The following GLIS3 variants were observed in gnomAD, a reference collection of about 807,000 sequenced individuals.
The protein encoded by GLIS3 is GLIS family zinc finger 3.
A neutral mutation model predicts 78.6 loss-of-function variants in GLIS3; 53 were observed. The observed-to-expected ratio is 0.67, with a 90% confidence interval of 0.54 to 0.85. The LOEUF is 0.85. Among genes scored for constraint, GLIS3 ranks in the 40% least tolerant of loss-of-function variants. GLIS3 has a pLI of 0.00. For synonymous variants in GLIS3, 684 were observed against 509.9 expected (o/e 1.34, Z -4.60); for missense variants, 1,703 against 1,231.1 (o/e 1.38, Z -5.74).
chr9:4,086,997 G>A (rs545565211), intron 4 of GLIS3, among the ~76,000 whole-genome samples: 5 of 152,258 alleles, frequency 3.3e-5, no homozygotes, highest in African/African-American at 1.2e-4. Flanking sequence ...CAAAATCCTA[G>A]TTTAGTGCTA....
intron 8 of GLIS3, among the ~76,000 whole-genome samples, chr9:3,865,167 G>GACTATT (rs1366487582): frequency 8.5e-5 from 13 of 152,280 alleles, no homozygotes; most frequent in African/African-American, 2.4e-4. Flanking sequence ...AGCAACCAAA[G>GACTATT]ACTATTTCTC....
At chr9:4,361,291 C>G in the GLIS3 span, among the ~76,000 whole-genome samples, 3 of 152,278 alleles carry the variant, frequency 2.0e-5, no homozygotes, top group South Asian at 6.2e-4. Context: ...AGAAGGGACT[C>G]CTCTGATGGG....
chr9:3,994,006 T>A (rs1466401987), intron 4 of GLIS3, among the ~76,000 whole-genome samples: 7 of 152,210 alleles, frequency 4.6e-5, no homozygotes, highest in Admixed American at 4.6e-4. Context: ...TCCAGAGAGC[T>A]TGTTAAAACA....
the GLIS3 span, among the ~76,000 whole-genome samples, chr9:4,431,773 G>T: frequency 6.6e-6 from 1 of 151,776 alleles, no homozygotes; most frequent in Non-Finnish European, 1.5e-5. Flanking sequence ...GAACCTGGGA[G>T]GTGGAGGTTG....
At chr9:4,111,471 G>A (rs185269710) in intron 4 of GLIS3, among the ~76,000 whole-genome samples, 27 of 152,334 alleles carry the variant, frequency 1.8e-4, no homozygotes, top group African/African-American at 6.0e-4. Flanking sequence ...TGAATTAAAT[G>A]CCTTCTAAAG....
chr9:3,940,985 C>T (rs1199664860), intron 4 of GLIS3, among the ~76,000 whole-genome samples: 1 of 152,178 alleles, frequency 6.6e-6, no homozygotes, highest in African/African-American at 2.4e-5. Context: ...CTGGCATCGC[C>T]TGGGAACTTG....
intron 9 of GLIS3, among the ~76,000 whole-genome samples, chr9:3,839,697 C>G (rs998270291): frequency 6.6e-6 from 1 of 152,112 alleles, no homozygotes; most frequent in Non-Finnish European, 1.5e-5. Flanking sequence ...TAGTTCATGT[C>G]AGATTACTGG....
chr9:4,379,462 A>G, the GLIS3 span, among the ~76,000 whole-genome samples: 24 of 152,380 alleles, frequency 1.6e-4, no homozygotes, highest in African/African-American at 5.3e-4. Flanking sequence ...CTTTTGGAAG[A>G]TTGACAACAT....
the GLIS3 span, among the ~76,000 whole-genome samples, chr9:4,431,749 C>A: frequency 6.7e-6 from 1 of 149,274 alleles, no homozygotes; most frequent in Admixed American, 6.8e-5. Flanking sequence ...GAAGCTGAGG[C>A]AGGAGAATCC....
chr9:3,828,350 A>G lies in GLIS3; in HGVS notation c.2715T>C (p.Ala905=). 6.2e-7 allele frequency: 1 copy of G among 1,613,998 alleles called. No individual in the cohort carries two copies. Among genetic ancestry groups the G allele is most frequent in the South Asian group, 1.1e-5 (1 of 91,074 alleles). ...TGATCTGCAAGAAGGTAGCATCTTC[A>G]GCCCCGCTGCGGAGAGACTCCCCAA... is the stretch of plus-strand genomic sequence containing the variant. ...SLFGESLRSG[A]EDATFLQIST... The change falls in exon 11 of 11, where the codon GCT becomes GCC. Residue 905 remains alanine, a synonymous_variant. Coordinates refer to ENST00000381971, the MANE Select transcript of GLIS3 (RefSeq NM_001042413.2).
intron 1 of GLIS3, among the ~76,000 whole-genome samples, chr9:4,290,478 G>A (rs755875002): frequency 7.9e-5 from 12 of 152,062 alleles, no homozygotes; most frequent in Non-Finnish European, 1.3e-4. Context: ...ATAGGTCCCT[G>A]CTATTCCCAT....
At chr9:3,886,154 C>T (rs568187094) in intron 7 of GLIS3, among the ~76,000 whole-genome samples, 2 of 152,098 alleles carry the variant, frequency 1.3e-5, no homozygotes, top group East Asian at 3.8e-4. Context: ...TGGTAAATCT[C>T]GAATAAAGTA....
At position 4,118,687 on chromosome 9, in the gene GLIS3, C is replaced by T. The variant is rs1178306065; in HGVS notation, c.791G>A (p.Ser264Asn). The T allele has an allele frequency of 6.2e-7, 1 of 1,614,050 alleles. No individual in the cohort carries two copies. The highest frequency in any genetic ancestry group is 8.5e-7 in the Non-Finnish European group (1 of 1,180,000). ...LPPGTSMSSN[S>N]VSNSLPSYLF... Reference sequence around the variant, plus strand: ...GTAGGATGGTAATGAGTTAGAGACACTATTGCTGGACATGGATGTCCCGGG... The same window carrying T: ...GTAGGATGGTAATGAGTTAGAGACATTATTGCTGGACATGGATGTCCCGGG... The change falls in exon 4 of 11, where the codon AGT becomes AAT. Residue 264 changes from serine to asparagine, a missense_variant. Coordinates refer to ENST00000381971, the MANE Select transcript of GLIS3 (RefSeq NM_001042413.2). This position sits in a 1 kb window ranked among gnomAD's most constrained non-coding sequence, Gnocchi z 4.7.
intron 4 of GLIS3, among the ~76,000 whole-genome samples, chr9:3,985,264 TCCTGAGTAGCTGGGAC>T (rs1305033125): frequency 6.6e-6 from 1 of 152,124 alleles, no homozygotes; most frequent in African/African-American, 2.4e-5. Flanking sequence ...CACCTCAGCC[TCCTGAGTAGCTGGGAC>T]CACAGGTGTG....
intron 2 of GLIS3, among the ~76,000 whole-genome samples, chr9:4,328,452 T>C (rs1267527966): frequency 6.6e-6 from 1 of 152,220 alleles, no homozygotes; most frequent in African/African-American, 2.4e-5. Context: ...CACCCCATTC[T>C]GCTCCCACCT....
chr9:4,171,565 T>C (rs1816378062), intron 2 of GLIS3, among the ~76,000 whole-genome samples: 1 of 152,236 alleles, frequency 6.6e-6, no homozygotes, highest in South Asian at 2.1e-4. Flanking sequence ...CTGGTTGATT[T>C]CGTTAAAGGA....
At chr9:4,399,692 G>A in the GLIS3 span, among the ~76,000 whole-genome samples, 1 of 152,094 alleles carries the variant, frequency 6.6e-6, no homozygotes, top group Non-Finnish European at 1.5e-5. Context: ...TCCTCAAGCA[G>A]CCCACATCTG....
At chr9:4,428,830 T>C in the GLIS3 span, among the ~76,000 whole-genome samples, 1 of 152,192 alleles carries the variant, frequency 6.6e-6, no homozygotes, top group Non-Finnish European at 1.5e-5. Context: ...CATTCCTGCC[T>C]ACCAAGCCTG....
chr9:3,894,490 A>T lies in GLIS3; in HGVS notation c.2128+4201T>A, dbSNP rs188731841. ...AAACATATTAAAACATGTACCATAA[A>T]ATTACATTAAAATGAAATAGTAACT... On this transcript the variant is annotated intron_variant, in intron 7 of 10. Coordinates refer to ENST00000381971, the MANE Select transcript of GLIS3 (RefSeq NM_001042413.2). Among the ~76,000 whole-genome samples the T allele has an allele frequency of 4.6e-3, 698 of 152,308 alleles. 6 individuals carry two copies. Among genetic ancestry groups the T allele is most frequent in the Admixed American group, 8.2e-3 (125 of 15,290 alleles).
Sources: gnomAD v4.1 joint callset for allele counts (sites outside exome capture counted in the v4.1 genomes callset) on GRCh38, gnomAD v4.1.1 for gene constraint, Gnocchi (gnomAD v3.1) non-coding constraint, MANE v1.5 for transcripts, NCBI Gene and HGNC (gene_info 2026-07-23, HGNC 2026-07-21) for gene names.